The following ZNF846 variants were observed in gnomAD, a reference collection of about 807,000 sequenced individuals.
The protein encoded by ZNF846 is zinc finger protein 420 pseudogene.
In ZNF846, 15 loss-of-function variants were observed where a neutral mutation model predicts 16.0. That is an observed-to-expected ratio of 0.94 (90% CI 0.63 to 1.45). The LOEUF is 1.45. ZNF846 is among the 40% of genes most tolerant of loss of function. ZNF846 has a pLI of 0.00. For synonymous variants in ZNF846, 229 were observed against 212.0 expected (o/e 1.08, Z -0.70); for missense variants, 714 against 622.3 (o/e 1.15, Z -1.57).
chr19:9,784,612 C>A (rs2045539581), intron 1 of ZNF846, among the ~76,000 whole-genome samples: 1 of 152,154 alleles, frequency 6.6e-6, no homozygotes, highest in South Asian at 2.1e-4. Context: ...TCAGCACAGA[C>A]CCTTTACGGG....
chr19:9,755,073 C>T (rs1432590045), downstream of ZNF846, among the ~76,000 whole-genome samples: 1 of 151,180 alleles, frequency 6.6e-6, no homozygotes. Flanking sequence ...ACCATGTTAG[C>T]CAGGCTGGTT....
At chr19:9,765,068 T>A (rs371443445) in intron 1 of ZNF846, 33 bp from the exon 2 acceptor site, 14 of 1,141,754 alleles carry the variant, frequency 1.2e-5, no homozygotes, top group Non-Finnish European at 1.9e-5. Context: ...GTCAGTTGGA[T>A]ACATCAAAGA....
rs1316801859 is a variant in ZNF846 at position 9,758,488 on chromosome 19, ATT to A, written c.587_588del (p.Lys196IlefsTer3). ...CTCCAACAGTCTTTGCATTCACACA[ATT>A]TCTCTTGTGTGTGAGTTTTATTCTG... On this transcript the variant is annotated frameshift_variant, in exon 6 of 6. Coordinates refer to ENST00000397902, the Ensembl canonical transcript of ZNF846. LOFTEE classifies it low-confidence loss of function (END_TRUNC). 8 of 1,613,552 alleles carry A rather than the reference ATT, an allele frequency of 5.0e-6. No individual in the cohort carries two copies. Among genetic ancestry groups the A allele is most frequent in the Non-Finnish European group, 6.8e-6 (8 of 1,180,000 alleles).
chr19:9,761,027 A>T (rs1340561806), intron 4 of ZNF846, among the ~76,000 whole-genome samples: 1 of 151,538 alleles, frequency 6.6e-6, no homozygotes, highest in Non-Finnish European at 1.5e-5. Context: ...GTGAAACTCC[A>T]TCTCTATCAA....
At chr19:9,769,444 T>C (rs2045369687), upstream of ZNF846, among the ~76,000 whole-genome samples, 2 of 152,096 alleles carry the variant, frequency 1.3e-5, no homozygotes, top group Admixed American at 1.3e-4. Flanking sequence ...TTACCCAGGC[T>C]GATCTGGAAC....
chr19:9,769,745 GC>G (rs2045372604), upstream of ZNF846, among the ~76,000 whole-genome samples: 1 of 152,094 alleles, frequency 6.6e-6, no homozygotes, highest in Non-Finnish European at 1.5e-5. Flanking sequence ...GGAAGCCGAG[GC>G]GGGTGGAACA....
rs528035598 is a variant in ZNF846 at position 9,758,509 on chromosome 19, T to G, written c.568A>C (p.Lys190Gln). ...CACAATTTCTCTTGTGTGTGAGTTTTATTCTGCCTAGTAAGATTTGGAAAC... is the reference window on the plus strand; with the variant it reads ...CACAATTTCTCTTGTGTGTGAGTTTGATTCTGCCTAGTAAGATTTGGAAAC... The change falls in exon 6 of 6, where the codon AAA becomes CAA. Residue 190 changes from lysine (K) to glutamine (Q), a missense_variant. Physicochemically the swap from Lys to Gln is moderately conservative, Grantham distance 53 (BLOSUM62 1). Coordinates refer to ENST00000397902, the Ensembl canonical transcript of ZNF846. The G allele has an allele frequency of 1.1e-5, 18 of 1,613,624 alleles. No individual in the cohort carries two copies. Among genetic ancestry groups the G allele is most frequent in the Middle Eastern group, 1.7e-4 (1 of 6,058 alleles).
intron 1 of ZNF846, among the ~76,000 whole-genome samples, chr19:9,779,215 G>C (rs1457726975): frequency 6.6e-6 from 1 of 152,112 alleles, no homozygotes; most frequent in South Asian, 2.1e-4. Flanking sequence ...AAAGAGGTTG[G>C]TTCCTTTGGA....
chr19:9,774,856 G>T (rs1021062826), intron 1 of ZNF846: 36 of 1,609,960 alleles, frequency 2.2e-5, no homozygotes, highest in Non-Finnish European at 2.8e-5. Context: ...CCGAGCACCC[G>T]CTTCGGGCTG....
chr19:9,751,822 C>G (rs72489407), downstream of ZNF846, among the ~76,000 whole-genome samples: 1 of 152,048 alleles, frequency 6.6e-6, no homozygotes, highest in African/African-American at 2.4e-5. Flanking sequence ...CTAACTCCAC[C>G]GCCTATCCCA....
rs76706442 is a variant in ZNF846 at position 9,759,931 on chromosome 19, G to A, written c.241C>T (p.Gln81Ter). 1 of 1,612,018 alleles carries A rather than the reference G, an allele frequency of 6.2e-7. No homozygotes were observed. The highest frequency in any genetic ancestry group is 8.5e-7 in the Non-Finnish European group (1 of 1,179,212). The change falls in exon 5 of 6, where the codon CAA becomes TAA. Residue 81 changes from glutamine (Q) to a stop codon, truncating the protein, a stop_gained. Transcript: ENST00000397902. LOFTEE classifies it high-confidence loss of function. ...AGTGGGGAGCCTTTGGTTTTGAGTT[G>A]CAAATCCAATTCTGAAATAAAGTGA... is the stretch of plus-strand genomic sequence containing the variant.
chr19:9,780,043 A>AT (rs1568330804), intron 1 of ZNF846, among the ~76,000 whole-genome samples: 70 of 124,832 alleles, frequency 5.6e-4, no homozygotes, highest in African/African-American at 1.9e-3. Context: ...TGCCCAGCTA[A>AT]TTTTGTTTTT....
At chr19:9,763,236 C>T (rs911781847) in intron 3 of ZNF846, 46 bp downstream of exon 3, 3 of 1,489,016 alleles carry the variant, frequency 2.0e-6, no homozygotes, top group Non-Finnish European at 2.7e-6. Context: ...ATTTAAGAAA[C>T]ATTGATTTCC....
chr19:9,775,031 C>G, intron 1 of ZNF846: 1 of 1,389,036 alleles, frequency 7.2e-7, no homozygotes, highest in South Asian at 1.3e-5. Flanking sequence ...CCCGGCAAAG[C>G]AGGACTCTGT....
chr19:9,785,144 C>G (rs577963104), intron 1 of ZNF846, among the ~76,000 whole-genome samples: 1 of 152,104 alleles, frequency 6.6e-6, no homozygotes, highest in East Asian at 1.9e-4. Context: ...CACAATACCC[C>G]GGCCCCATCT....
intron 4 of ZNF846, among the ~76,000 whole-genome samples, chr19:9,761,688 G>A (rs1183143093): frequency 6.6e-6 from 1 of 151,042 alleles, no homozygotes; most frequent in Non-Finnish European, 1.5e-5. Context: ...ACCAGCCAGG[G>A]CGACAGTGCA....
At chr19:9,752,614 CAAAA>C (rs34675292), downstream of ZNF846, among the ~76,000 whole-genome samples, 1,220 of 91,326 alleles carry the variant, frequency 0.013, 16 homozygotes, top group African/African-American at 0.042. Flanking sequence ...GACTTCATCC[CAAAA>C]AAAAAAAAAA....
intron 1 of ZNF846, among the ~76,000 whole-genome samples, chr19:9,777,160 C>T (rs147612295): frequency 0.012 from 1,746 of 150,394 alleles, 23 homozygotes; most frequent in African/African-American, 0.04. Flanking sequence ...CACACACACA[C>T]ACACACACAC....
chr19:9,755,147 G>A (rs2045121020), downstream of ZNF846, among the ~76,000 whole-genome samples: 1 of 151,464 alleles, frequency 6.6e-6, no homozygotes, highest in Non-Finnish European at 1.5e-5. Context: ...TAGAAGCATG[G>A]CCTGGTGACC....
Sources: gnomAD v4.1 joint callset for allele counts (sites outside exome capture counted in the v4.1 genomes callset) on GRCh38, gnomAD v4.1.1 for gene constraint, MANE v1.5 for transcripts, NCBI Gene and HGNC (gene_info 2026-07-23, HGNC 2026-07-21) for gene names.